QTRT2: variants seen among roughly 807,000 people sequenced by gnomAD.
QTRT2 encodes queuine tRNA-ribosyltransferase accessory subunit 2, also known as queuine tRNA-ribosyltransferase domain containing 1.
QTRT2 carries 32 observed loss-of-function variants against 44.8 expected under a neutral mutation model. That is an observed-to-expected ratio of 0.71 (90% CI 0.54 to 0.96). QTRT2 has a LOEUF of 0.96. Ranked by LOEUF, QTRT2 falls within the 40% of genes least tolerant of loss-of-function variation. The pLI is 0.00. For synonymous variants in QTRT2, 182 were observed against 187.4 expected (o/e 0.97, Z 0.24); for missense variants, 461 against 503.1 (o/e 0.92, Z 0.80).
Position 114,066,950 on chromosome 3 carries a change from A to T in QTRT2, c.256+667A>T, listed in dbSNP as rs1022953666. Among the ~76,000 whole-genome samples, 66 of 152,344 alleles carry T rather than the reference A, an allele frequency of 4.3e-4. 1 individual carries two copies. Among genetic ancestry groups the T allele is most frequent in the African/African-American group, 1.6e-3 (65 of 41,578 alleles). ...TCCAGAAATAGGATTTTATATGCAGATGTATGCATCTATTTATTTATAGGA... is the reference window on the plus strand; with the variant it reads ...TCCAGAAATAGGATTTTATATGCAGTTGTATGCATCTATTTATTTATAGGA... On this transcript the variant is annotated intron_variant, in intron 4 of 9. Transcript: ENST00000281273.
chr3:114,065,480 C>G (rs1270700167), intron 3 of QTRT2, 23 bp downstream of exon 3: 1 of 1,565,458 alleles, frequency 6.4e-7, no homozygotes, highest in Middle Eastern at 1.9e-4. Context: ...ACCAATGATT[C>G]AAGTATCAAC....
intron 6 of QTRT2, among the ~76,000 whole-genome samples, chr3:114,076,338 G>GT (rs1451638897): frequency 2.0e-5 from 3 of 151,892 alleles, no homozygotes; most frequent in Admixed American, 2.0e-4. Flanking sequence ...AGCTAATTTT[G>GT]TTTTTTTATT....
rs918233243 is a variant in QTRT2, at chr3:114,079,662, G to A, written c.747-244G>A. 2.1e-5 allele frequency: 7 copies of A among 326,204 alleles called. No homozygotes were observed. The Admixed American group carries it at 2.3e-4, about 11-fold the overall frequency. The allele number at this position is 326,204 out of a possible 1,614,324, so 20.2% of individuals were successfully genotyped here. ...GATAACTAAAACTCAGAGAAGTTAA[G>A]TAATCTTTCCAAAGTGACACAGCAG... is the stretch of plus-strand genomic sequence containing the variant. On this transcript the variant is annotated intron_variant, in intron 7 of 9. Transcript: ENST00000281273.
At chr3:114,066,078 ATTAG>A in intron 3 of QTRT2, 146 bp from the exon 4 acceptor site, 1 of 545,688 alleles carries the variant, frequency 1.8e-6, no homozygotes, top group Non-Finnish European at 3.3e-6. Flanking sequence ...ACCTAGCCTA[ATTAG>A]TTAGAACTCT....
intron 6 of QTRT2, 48 bp from the exon 7 acceptor site, chr3:114,076,695 G>T: frequency 6.4e-7 from 1 of 1,562,702 alleles, no homozygotes; most frequent in South Asian, 1.1e-5. Context: ...TTTAAACAAA[G>T]GTCTCATACT....
intron 6 of QTRT2, among the ~76,000 whole-genome samples, chr3:114,071,115 A>G (rs1017947108): frequency 6.6e-6 from 1 of 152,148 alleles, no homozygotes; most frequent in Admixed American, 6.5e-5. Flanking sequence ...TACTATCAAG[A>G]TTATTCTACT....
At position 114,080,752 on chromosome 3, in the gene QTRT2, T is replaced by C. The variant is rs1185930717; in HGVS notation, c.898+695T>C. Among the ~76,000 whole-genome samples the C allele has an allele frequency of 2.0e-5, 3 of 152,346 alleles. No individual in the cohort carries two copies. The East Asian group carries it at 5.8e-4, about 29-fold the overall frequency. On this transcript the variant is annotated intron_variant, in intron 8 of 9. Coordinates refer to ENST00000281273, the MANE Select transcript of QTRT2 (RefSeq NM_024638.4). Reference sequence around the variant, plus strand: ...GACCTTTCCTTTCCTTTTCCTGCTGTCCTTGGAACTTTTCCTTAACCACAT... The same window carrying C: ...GACCTTTCCTTTCCTTTTCCTGCTGCCCTTGGAACTTTTCCTTAACCACAT...
Position 114,076,752 on chromosome 3 carries a change from A to G in QTRT2, c.556A>G (p.Lys186Glu). The change falls in exon 7 of 10, where the codon AAG (lysine) becomes GAG (glutamate). Residue 186 changes from lysine (K) to glutamate (E), a missense_variant. Transcript: ENST00000281273. Reference sequence around the variant, plus strand: ...ATCCTTCTTACCTCAGGTTCTTCAGAAGAGTGTGATCATTGGAGTGATTGA... The same window carrying G: ...ATCCTTCTTACCTCAGGTTCTTCAGGAGAGTGTGATCATTGGAGTGATTGA... ...RLQEESEVLQ[K>E]SVIIGVIEGG... 1 of 1,614,180 alleles carries G rather than the reference A, an allele frequency of 6.2e-7. No homozygotes were observed. The highest frequency in any genetic ancestry group is 1.3e-5 in the African/African-American group (1 of 75,066).
intron 8 of QTRT2, 63 bp downstream of exon 8, chr3:114,080,120 T>A: frequency 7.0e-7 from 1 of 1,424,170 alleles, no homozygotes; most frequent in South Asian, 1.4e-5. Context: ...AATTTTTGGC[T>A]TGAGTCACAA....
rs755569319 is a variant in QTRT2 at position 114,065,325 on chromosome 3, CAG to C, written c.69_70del (p.Asp25ProfsTer27). The C allele has an allele frequency of 1.3e-5, 21 of 1,613,970 alleles. No individual in the cohort carries two copies. The highest frequency in any genetic ancestry group is 1.6e-4 in the Middle Eastern group (1 of 6,084). ...GGAAAAATAAAAAACCTGGGCAAAA[CAG>C]GGGACCACACCATGGATATTCCAGG... On this transcript the variant is annotated frameshift_variant, in exon 3 of 10. Transcript: ENST00000281273. LOFTEE classifies it high-confidence loss of function.
intron 3 of QTRT2, among the ~76,000 whole-genome samples, chr3:114,065,699 C>T (rs1386453459): frequency 6.6e-6 from 1 of 152,146 alleles, no homozygotes; most frequent in African/African-American, 2.4e-5. Context: ...ACTGCCATGT[C>T]GCCACTGCTC....
At position 114,057,004 on chromosome 3, in the gene QTRT2, C is replaced by T; in HGVS notation, c.-124C>T. The T allele has an allele frequency of 7.0e-7, 1 of 1,428,678 alleles. No individual in the cohort carries two copies. The allele number at this position is 1,428,678 out of a possible 1,614,324, so 88.5% of individuals were successfully genotyped here. The stretch of plus-strand genomic sequence containing the variant: ...TCCTCTGCTTCCCTTTTCAGGGTGT[C>T]CTGGTGGATTGGTTTCTGTAAGTTC... On this transcript the variant is annotated 5_prime_UTR_variant, in exon 2 of 10. Transcript: ENST00000281273.
In QTRT2 at chr3:114,068,988, G is replaced by A. The variant is rs548748138; in HGVS notation, c.333+925G>A. On this transcript the variant is annotated intron_variant, in intron 5 of 9. Transcript: ENST00000281273. The stretch of plus-strand genomic sequence containing the variant: ...CACTTGAACCTGGGAGGCAGAGGTG[G>A]CAGTGAGCCAAAGTCGCACCAGTGC... Among the ~76,000 whole-genome samples, 15 of 152,060 alleles carry A rather than the reference G, an allele frequency of 9.9e-5. No individual in the cohort carries two copies. In the South Asian group the frequency reaches 3.1e-3, roughly 32 times the overall value.
chr3:114,085,948 C>A lies in QTRT2; in HGVS notation c.*44C>A. 1 of 1,397,550 alleles carries A rather than the reference C, an allele frequency of 7.2e-7. No homozygotes were observed. The highest frequency in any genetic ancestry group is 1.0e-6 in the Non-Finnish European group (1 of 983,330). The allele number at this position is 1,397,550 out of a possible 1,614,324, so 86.6% of individuals were successfully genotyped here. A position where few individuals can be genotyped will look rare whatever the true frequency, so the allele number is the denominator to read the frequency against. The stretch of plus-strand genomic sequence containing the variant: ...CTCACTCTTCACACTGAGCCTGTAC[C>A]ACTGTTGTAACATGGGAAGACGTGA... On this transcript the variant is annotated 3_prime_UTR_variant, in exon 10 of 10. Coordinates refer to ENST00000281273, the MANE Select transcript of QTRT2 (RefSeq NM_024638.4).
chr3:114,080,121 T>C, intron 8 of QTRT2, 64 bp downstream of exon 8: 9 of 1,411,588 alleles, frequency 6.4e-6, no homozygotes, highest in Non-Finnish European at 8.6e-6. Flanking sequence ...ATTTTTGGCT[T>C]GAGTCACAAG....
chr3:114,059,430 GT>G (rs989080598), intron 2 of QTRT2, among the ~76,000 whole-genome samples: 5 of 152,140 alleles, frequency 3.3e-5, no homozygotes, highest in African/African-American at 1.2e-4. Flanking sequence ...CTCAAAGCAT[GT>G]TTTTAAAAAT....
At chr3:114,084,532 T>C (rs2077211326) in intron 9 of QTRT2, among the ~76,000 whole-genome samples, 1 of 152,066 alleles carries the variant, frequency 6.6e-6, no homozygotes. Flanking sequence ...CAGTGTGCTA[T>C]GATTGTGCCA....
intron 9 of QTRT2, among the ~76,000 whole-genome samples, chr3:114,083,203 A>G (rs2077189833): frequency 6.6e-6 from 1 of 152,156 alleles, no homozygotes; most frequent in Non-Finnish European, 1.5e-5. Flanking sequence ...AAATTAAGAT[A>G]CAGATTGAAT....
intron 9 of QTRT2, among the ~76,000 whole-genome samples, chr3:114,083,213 T>C (rs2077189952): frequency 6.6e-6 from 1 of 152,230 alleles, no homozygotes; most frequent in South Asian, 2.1e-4. Context: ...ACAGATTGAA[T>C]TGAATATCCC....
Sources: allele counts gnomAD v4.1 joint callset (sites outside exome capture counted in the v4.1 genomes callset), GRCh38; gene constraint gnomAD v4.1.1; transcripts MANE v1.5; gene names NCBI Gene and HGNC (gene_info 2026-07-23, HGNC 2026-07-21).